Variants in LRFN2 observed in about 807,000 individuals in gnomAD.
The protein encoded by LRFN2 is leucine rich repeat and fibronectin type III domain containing 2, also known as leucine-rich repeat and fibronectin type-III domain-containing protein 2.
LRFN2 carries 18 observed loss-of-function variants against 37.3 expected under a neutral mutation model. That is an observed-to-expected ratio of 0.48 (90% CI 0.33 to 0.72). The LOEUF is 0.72. Among genes scored for constraint, LRFN2 ranks in the 30% least tolerant of loss-of-function variants. The pLI, the probability that LRFN2 is intolerant of heterozygous loss-of-function variation, is 0.02. For synonymous variants in LRFN2, 556 were observed against 466.6 expected, an observed-to-expected ratio of 1.19 and a Z score of -2.47; for missense variants, 1,006 against 1,060.7, an observed-to-expected ratio of 0.95 and a Z score of 0.72.
chr6:40,406,524 G>A (rs370086560), intron 2 of LRFN2, among the ~76,000 whole-genome samples: 2 of 152,296 alleles, frequency 1.3e-5, no homozygotes, highest in African/African-American at 4.8e-5. Context: ...GGAACTCCAG[G>A]TTGAGAAGGA....
At chr6:40,406,986 C>A (rs1178001966) in intron 2 of LRFN2, among the ~76,000 whole-genome samples, 1 of 152,212 alleles carries the variant, frequency 6.6e-6, no homozygotes, top group African/African-American at 2.4e-5. Flanking sequence ...GGACACCACC[C>A]CCTCCCTGGA....
intron 1 of LRFN2, among the ~76,000 whole-genome samples, chr6:40,551,416 C>T (rs938594298): frequency 1.3e-5 from 2 of 152,146 alleles, no homozygotes; most frequent in South Asian, 4.2e-4. Context: ...GAAATGGAGC[C>T]CAAGGCCTGC....
chr6:40,443,330 C>A (rs372020072), intron 1 of LRFN2, among the ~76,000 whole-genome samples: 73 of 152,278 alleles, frequency 4.8e-4, no homozygotes, highest in Admixed American at 3.3e-3. Context: ...AGAAAACAGC[C>A]GCAATAGGGA....
chr6:40,446,449 C>A (rs1207875466), intron 1 of LRFN2, among the ~76,000 whole-genome samples: 1 of 152,206 alleles, frequency 6.6e-6, no homozygotes, highest in African/African-American at 2.4e-5. Context: ...CGTGTCTGAT[C>A]ATTACAGGCT....
At chr6:40,409,198 G>C (rs1762909424) in intron 2 of LRFN2, among the ~76,000 whole-genome samples, 1 of 152,160 alleles carries the variant, frequency 6.6e-6, no homozygotes, top group African/African-American at 2.4e-5. Context: ...AGGGGCATTG[G>C]GGCCCCACCT....
intron 1 of LRFN2, among the ~76,000 whole-genome samples, chr6:40,435,854 T>A (rs888895865): frequency 2.0e-5 from 3 of 152,152 alleles, no homozygotes; most frequent in South Asian, 2.1e-4. Context: ...TCTATTCCTA[T>A]CATACACTTT....
intron 2 of LRFN2, among the ~76,000 whole-genome samples, chr6:40,420,351 T>C (rs577084336): frequency 5.9e-5 from 9 of 152,334 alleles, no homozygotes; most frequent in African/African-American, 2.2e-4. Flanking sequence ...CCCACTCCCA[T>C]CACACACATT....
At chr6:40,399,540 C>T (rs1465872746) in intron 2 of LRFN2, among the ~76,000 whole-genome samples, 6 of 147,970 alleles carry the variant, frequency 4.1e-5, no homozygotes, top group African/African-American at 9.9e-5. Context: ...GGGGCTCAAG[C>T]GATTCTTGTG....
At chr6:40,442,284 G>T (rs1283722299) in intron 1 of LRFN2, among the ~76,000 whole-genome samples, 1 of 152,204 alleles carries the variant, frequency 6.6e-6, no homozygotes, top group Non-Finnish European at 1.5e-5. Context: ...TTCACTCTAT[G>T]ATTTACTCTC....
At chr6:40,509,180 A>G (rs112434641) in intron 1 of LRFN2, among the ~76,000 whole-genome samples, 15 of 152,382 alleles carry the variant, frequency 9.8e-5, no homozygotes, top group African/African-American at 3.6e-4. Flanking sequence ...CACACTCCAC[A>G]TAACTTCCTT....
At chr6:40,515,147 T>G (rs78084015) in intron 1 of LRFN2, among the ~76,000 whole-genome samples, 2 of 152,338 alleles carry the variant, frequency 1.3e-5, no homozygotes, top group East Asian at 3.9e-4. Context: ...TTGGCCTCAC[T>G]CAGACACATG....
intron 1 of LRFN2, among the ~76,000 whole-genome samples, chr6:40,435,825 T>TA (rs1486233713): frequency 1.3e-5 from 2 of 152,196 alleles, no homozygotes; most frequent in Non-Finnish European, 2.9e-5. Flanking sequence ...TTAAAAAAGA[T>TA]ACGTAATATA....
At chr6:40,512,259 G>A (rs1429522917) in intron 1 of LRFN2, among the ~76,000 whole-genome samples, 2 of 152,176 alleles carry the variant, frequency 1.3e-5, no homozygotes, top group Non-Finnish European at 2.9e-5. Context: ...CACTTAGGGA[G>A]GTACTTACCC....
intron 2 of LRFN2, among the ~76,000 whole-genome samples, chr6:40,406,603 A>C (rs1762853702): frequency 6.6e-6 from 1 of 152,160 alleles, no homozygotes. Flanking sequence ...CCCTCTGCTC[A>C]CACACTTCCA....
chr6:40,445,393 C>G (rs1380255853), intron 1 of LRFN2, among the ~76,000 whole-genome samples: 1 of 152,176 alleles, frequency 6.6e-6, no homozygotes, highest in Non-Finnish European at 1.5e-5. Flanking sequence ...ACATCATTCT[C>G]AAGGCGGAGA....
chr6:40,427,683 A>G (rs1763387519), intron 2 of LRFN2, among the ~76,000 whole-genome samples: 1 of 152,202 alleles, frequency 6.6e-6, no homozygotes, highest in South Asian at 2.1e-4. Flanking sequence ...GTCTTTCCAG[A>G]GTTGTATAGG....
chr6:40,469,881 C>T (rs1346644228), intron 1 of LRFN2, among the ~76,000 whole-genome samples: 1 of 152,216 alleles, frequency 6.6e-6, no homozygotes, highest in Non-Finnish European at 1.5e-5. Context: ...CCTGCACACA[C>T]CCTGTAAACC....
chr6:40,394,700 T>G (rs943922710), intron 2 of LRFN2, among the ~76,000 whole-genome samples: 1 of 152,110 alleles, frequency 6.6e-6, no homozygotes, highest in African/African-American at 2.4e-5. Flanking sequence ...GAATTGTAGC[T>G]CCTACAATTC....
intron 2 of LRFN2, among the ~76,000 whole-genome samples, chr6:40,398,061 C>T (rs897500381): frequency 9.2e-5 from 14 of 152,094 alleles, no homozygotes; most frequent in African/African-American, 3.4e-4. Flanking sequence ...GCTGCTCCTT[C>T]ACAATGAATA....
Sources: allele counts gnomAD v4.1 joint callset (sites outside exome capture counted in the v4.1 genomes callset), GRCh38; gene constraint gnomAD v4.1.1; transcripts MANE v1.5; gene names NCBI Gene and HGNC (gene_info 2026-07-23, HGNC 2026-07-21).